The following PAN3 variants were observed in gnomAD, a reference collection of about 807,000 sequenced individuals.
The protein encoded by PAN3 is PAN2-PAN3 deadenylation complex subunit PAN3.
A neutral mutation model predicts 96.2 loss-of-function variants in PAN3; 19 were observed. That is an observed-to-expected ratio of 0.20 (90% CI 0.14 to 0.29). The LOEUF is 0.29. PAN3 is among the 10% of genes least tolerant of loss of function. The pLI is 1.00. For missense variants in PAN3, 882 were observed against 1,108.1 expected (o/e 0.80, Z 2.90); for synonymous variants, 433 against 406.6 (o/e 1.06, Z -0.78).
chr13:28,264,744 C>T (rs1003352202), intron 9 of PAN3, among the ~76,000 whole-genome samples: 6 of 152,130 alleles, frequency 3.9e-5, no homozygotes, highest in Non-Finnish European at 5.9e-5. Flanking sequence ...TAACCAGAGG[C>T]TCATTTTCAT....
At chr13:28,147,905 T>C (rs950110855) in intron 1 of PAN3, among the ~76,000 whole-genome samples, 2 of 152,308 alleles carry the variant, frequency 1.3e-5, no homozygotes. Context: ...CTCTTGCTTT[T>C]TCTGTAAAAA....
chr13:28,201,645 C>G (rs1878720596), intron 5 of PAN3, among the ~76,000 whole-genome samples: 1 of 152,086 alleles, frequency 6.6e-6, no homozygotes. Context: ...AGTGATCCTT[C>G]CACCTTAGCC....
intron 2 of PAN3, among the ~76,000 whole-genome samples, chr13:28,176,266 C>G (rs961671502): frequency 5.9e-5 from 9 of 152,126 alleles, no homozygotes; most frequent in African/African-American, 1.9e-4. Flanking sequence ...CAAAATAGGT[C>G]TGTAGCTTTG....
At chr13:28,198,301 AAG>A (rs1491068867) in intron 5 of PAN3, among the ~76,000 whole-genome samples, 1 of 152,072 alleles carries the variant, frequency 6.6e-6, no homozygotes, top group East Asian at 1.9e-4. Context: ...AAAAAAAAAA[AAG>A]AGTCGTATAA....
chr13:28,248,127 T>C lies in PAN3; in HGVS notation c.1001-8165T>C, dbSNP rs139335395. Among the ~76,000 whole-genome samples the C allele has an allele frequency of 6.8e-3, 1,040 of 152,312 alleles. 11 individuals carry two copies. The highest frequency in any genetic ancestry group is 0.024 in the African/African-American group (1,005 of 41,572). ...TTTTATAGTTTTGCTTGTAGAGATC[T>C]TTCACTTCTTTGGTTAAATTTATTC... On this transcript the variant is annotated intron_variant, in intron 6 of 18. Transcript: ENST00000380958.
chr13:28,139,157 C>T lies in PAN3; in HGVS notation c.430+70C>T, dbSNP rs1593335046. The T allele has an allele frequency of 4.0e-6, 5 of 1,243,348 alleles. No homozygotes were observed. In the East Asian group the frequency reaches 1.3e-4, roughly 32 times the overall value. The allele number at this position is 1,243,348 out of a possible 1,614,324, so 77.0% of individuals were successfully genotyped here. On this transcript the variant is annotated intron_variant, in intron 1 of 18. Coordinates refer to ENST00000380958, the MANE Select transcript of PAN3 (RefSeq NM_175854.8). ...GCCTGGGCCGGATGAGGCCCTGCTG[C>T]CGACGGGAGCTGAGCACGGCCCGCG...
chr13:28,203,129 AT>A (rs879419842), intron 5 of PAN3, among the ~76,000 whole-genome samples: 62 of 137,794 alleles, frequency 4.5e-4, no homozygotes, highest in Non-Finnish European at 3.0e-4. Flanking sequence ...TGCCTGGCTA[AT>A]TTTTTTTTTT....
chr13:28,261,564 G>T (rs1448995702), intron 9 of PAN3, 106 bp downstream of exon 9: 10 of 932,490 alleles, frequency 1.1e-5, no homozygotes, highest in Non-Finnish European at 1.6e-5. Flanking sequence ...TGGGCCTGGT[G>T]GCTCATACCT....
chr13:28,194,462 A>AT (rs1256598721), intron 4 of PAN3, among the ~76,000 whole-genome samples: 27 of 101,380 alleles, frequency 2.7e-4, no homozygotes, highest in African/African-American at 9.6e-4. Flanking sequence ...ATATATATAT[A>AT]TATATTTTTT....
chr13:28,270,983 C>T, intron 13 of PAN3, 117 bp downstream of exon 13: 3 of 1,033,382 alleles, frequency 2.9e-6, no homozygotes, highest in South Asian at 2.0e-5. Flanking sequence ...AGAAGAACTT[C>T]TGTAACTTTG....
intron 6 of PAN3, among the ~76,000 whole-genome samples, chr13:28,234,548 A>G (rs546933732): frequency 1.8e-4 from 28 of 152,302 alleles, no homozygotes; most frequent in African/African-American, 4.6e-4. Context: ...CTCTGTAGCT[A>G]CTACCTAAGC....
At chr13:28,198,234 C>T (rs940194956) in intron 5 of PAN3, among the ~76,000 whole-genome samples, 1 of 150,984 alleles carries the variant, frequency 6.6e-6, no homozygotes, top group Non-Finnish European at 1.5e-5. Flanking sequence ...TGCAGCAAGC[C>T]GAGACTGCAC....
At chr13:28,247,324 T>C (rs1285708960) in intron 6 of PAN3, among the ~76,000 whole-genome samples, 3 of 152,304 alleles carry the variant, frequency 2.0e-5, no homozygotes, top group African/African-American at 7.2e-5. Context: ...GAGTTCTTTA[T>C]ACTAATCATC....
intron 1 of PAN3, 134 bp from the exon 2 acceptor site, chr13:28,174,138 C>A: frequency 1.1e-6 from 1 of 891,748 alleles, no homozygotes; most frequent in Non-Finnish European, 1.6e-6. Flanking sequence ...TTTGATCTTA[C>A]CTGTTATGAA....
At chr13:28,197,373 C>T in intron 5 of PAN3, 27 bp downstream of exon 5, 2 of 1,537,970 alleles carry the variant, frequency 1.3e-6, no homozygotes, top group South Asian at 2.4e-5. Flanking sequence ...TTAGACATTT[C>T]TTGAAAGTGA....
chr13:28,154,843 C>T (rs1179702246), intron 1 of PAN3, among the ~76,000 whole-genome samples: 17 of 138,212 alleles, frequency 1.2e-4, no homozygotes, highest in East Asian at 4.4e-4. Flanking sequence ...TTTTTTGAGA[C>T]GGAGTCTCGC....
chr13:28,207,696 G>T (rs533967265), intron 5 of PAN3, among the ~76,000 whole-genome samples: 5 of 152,286 alleles, frequency 3.3e-5, no homozygotes, highest in African/African-American at 1.2e-4. Context: ...TGCTCACATT[G>T]TCCTAGCACT....
intron 4 of PAN3, among the ~76,000 whole-genome samples, chr13:28,180,729 C>G (rs1481339938): frequency 6.6e-6 from 1 of 152,142 alleles, no homozygotes; most frequent in African/African-American, 2.4e-5. Context: ...TTGGGCCAGT[C>G]TCTGAGCCAG....
rs1869126166 is a variant in PAN3, at chr13:28,138,683, C to T, written c.26C>T (p.Pro9Leu). MNSGGGLP[P>L]PSAAASPSSS... Reference sequence around the variant, plus strand: ...ATGAACAGTGGCGGCGGCCTCCCGCCCCCCTCGGCCGCCGCCTCCCCTTCC... The same window carrying T: ...ATGAACAGTGGCGGCGGCCTCCCGCTCCCCTCGGCCGCCGCCTCCCCTTCC... The change falls in exon 1 of 19, where the codon CCC (proline) becomes CTC (leucine). Residue 9 changes from proline to leucine, a missense_variant. Around this residue, in one of 3 missense-constraint regions of PAN3, gnomAD observed 442 missense variants for 422.8 expected, o/e 1.05. Transcript: ENST00000380958. 2.2e-6 allele frequency: 2 copies of T among 925,528 alleles called. No homozygotes were observed. The highest frequency in any genetic ancestry group is 2.6e-5 in the South Asian group (1 of 38,224). 57.3% of individuals were successfully genotyped at this position (925,528 alleles called of 1,614,324 possible). A position where few individuals can be genotyped will look rare whatever the true frequency, so the allele number is the denominator to read the frequency against.
Sources: gnomAD v4.1 joint callset for allele counts (sites outside exome capture counted in the v4.1 genomes callset) on GRCh38, gnomAD v4.1.1 for gene constraint, gnomAD v4.1.1 regional missense constraint, MANE v1.5 for transcripts, NCBI Gene and HGNC (gene_info 2026-07-23, HGNC 2026-07-21) for gene names.